OARD1: variants seen among roughly 807,000 people sequenced by gnomAD.
OARD1 encodes the protein ADP-ribose glycohydrolase OARD1.
In OARD1, 19 loss-of-function variants were observed where a neutral mutation model predicts 19.7. The ratio of observed to expected loss-of-function variants is 0.96; its 90% CI spans 0.67 to 1.41. The LOEUF is 1.41. Ranked by LOEUF, OARD1 falls within the 40% of genes most tolerant of loss-of-function variation. OARD1 has a pLI of 0.00. For synonymous variants in OARD1, 70 were observed against 61.8 expected, an observed-to-expected ratio of 1.13 and a Z score of -0.62; for missense variants, 190 against 183.8, an observed-to-expected ratio of 1.03 and a Z score of -0.20.
intron 1 of OARD1, among the ~76,000 whole-genome samples, chr6:41,079,442 C>G (rs1763848410): frequency 6.6e-6 from 1 of 152,280 alleles, no homozygotes; most frequent in East Asian, 1.9e-4. Context: ...TAAAATTTTT[C>G]TGGATTCTAT....
chr6:41,095,910 G>T (rs1384789617), intron 1 of OARD1, among the ~76,000 whole-genome samples: 1 of 152,174 alleles, frequency 6.6e-6, no homozygotes, highest in Admixed American at 6.5e-5. Context: ...GTTGGGTTTA[G>T]TATCCAGTTC....
chr6:41,090,071 C>T, intron 1 of OARD1: 1 of 604,262 alleles, frequency 1.7e-6, no homozygotes, highest in Non-Finnish European at 2.9e-6. Context: ...GATTGCGCCA[C>T]TGCACTGCAC....
chr6:41,097,593 A>C, intron 1 of OARD1: 1 of 603,026 alleles, frequency 1.7e-6, no homozygotes, highest in Non-Finnish European at 2.9e-6. Context: ...TTGAAGTTGC[A>C]AGCCTTTGTC....
At chr6:41,072,858 C>A, upstream of OARD1, 1 of 152,946 alleles carries the variant, frequency 6.5e-6, no homozygotes, top group Non-Finnish European at 1.5e-5. Flanking sequence ...GCGCGTTGCT[C>A]CTCCGAAGGG....
chr6:41,096,295 T>G (rs1561857362), intron 1 of OARD1, among the ~76,000 whole-genome samples: 1 of 152,222 alleles, frequency 6.6e-6, no homozygotes. Context: ...TCACCTGTAG[T>G]GTGAGAGCCC....
At chr6:41,096,438 CTT>C (rs1281173951) in intron 1 of OARD1, among the ~76,000 whole-genome samples, 3 of 152,180 alleles carry the variant, frequency 2.0e-5, no homozygotes, top group East Asian at 3.8e-4. Flanking sequence ...AATTCAGCCT[CTT>C]TTATTTTTAT....
At chr6:41,067,543 C>T (rs1019582206) in intron 5 of OARD1, 106 bp from the exon 6 acceptor site, 1 of 730,276 alleles carries the variant, frequency 1.4e-6, no homozygotes, top group Admixed American at 2.5e-5. Context: ...ATAATCTAGT[C>T]TGACACCCTT....
At chr6:41,088,824 G>C (rs1360049388) in intron 1 of OARD1, among the ~76,000 whole-genome samples, 2 of 151,926 alleles carry the variant, frequency 1.3e-5, no homozygotes, top group Non-Finnish European at 2.9e-5. Flanking sequence ...GACCTAATCT[G>C]CTCGCCTCAG....
At chr6:41,088,315 C>G (rs1158766885) in intron 1 of OARD1, among the ~76,000 whole-genome samples, 2 of 145,498 alleles carry the variant, frequency 1.4e-5, no homozygotes, top group African/African-American at 5.2e-5. Context: ...CCCAGCTACT[C>G]GGGAGGCTGA....
chr6:41,070,386 A>G (rs1382414436), intron 3 of OARD1, among the ~76,000 whole-genome samples: 1 of 152,184 alleles, frequency 6.6e-6, no homozygotes, highest in Admixed American at 6.5e-5. Flanking sequence ...TACCACTACT[A>G]CTTTTAAATA....
intron 1 of OARD1, among the ~76,000 whole-genome samples, chr6:41,079,403 G>A (rs1269279424): frequency 6.6e-6 from 1 of 152,166 alleles, no homozygotes; most frequent in African/African-American, 2.4e-5. Flanking sequence ...AAAACATCTA[G>A]TCTGGTTTTC....
Position 41,070,069 on chromosome 6 carries a change from A to G in OARD1, c.243+7T>C, listed in dbSNP as rs773306624. Reference sequence around the variant, plus strand: ...CCTGAAAAAAAAAGGAATTGGCCCCATCTTACCAAGTAATATATATATCGC... The same window carrying G: ...CCTGAAAAAAAAAGGAATTGGCCCCGTCTTACCAAGTAATATATATATCGC... On this transcript the variant is annotated splice_region_variant and intron_variant, in intron 4 of 5. Transcript: ENST00000424266. 2 of 1,559,740 alleles carry G rather than the reference A, an allele frequency of 1.3e-6. No homozygotes were observed. Among genetic ancestry groups the G allele is most frequent in the South Asian group, 2.2e-5 (2 of 89,820 alleles).
intron 1 of OARD1, among the ~76,000 whole-genome samples, chr6:41,092,628 A>T (rs1346043949): frequency 6.6e-6 from 1 of 152,088 alleles, no homozygotes; most frequent in African/African-American, 2.4e-5. Flanking sequence ...TGACCATTAG[A>T]TGGCAGCAGA....
In OARD1 at chr6:41,071,686, G is replaced by A; in HGVS notation, c.-41-11C>T. 6.7e-7 allele frequency: 1 copy of A among 1,497,404 alleles called. No individual in the cohort carries two copies. The highest frequency in any genetic ancestry group is 9.3e-7 in the Non-Finnish European group (1 of 1,073,624). The allele number at this position is 1,497,404 out of a possible 1,614,324, so 92.8% of individuals were successfully genotyped here. A position where few individuals can be genotyped will look rare whatever the true frequency, so the allele number is the denominator to read the frequency against. On this transcript the variant is annotated splice_polypyrimidine_tract_variant and intron_variant, in intron 1 of 5. Transcript: ENST00000424266. ...TAAGTGTTTCTTCAGCTATGAGAAG[G>A]GAAAAGGAAGTAAAAATGCTTAGGC...
At chr6:41,079,038 T>C in intron 1 of OARD1, 1 of 1,569,080 alleles carries the variant, frequency 6.4e-7, no homozygotes. Context: ...GGAGTGTACC[T>C]CACAGCCTTC....
intron 1 of OARD1, among the ~76,000 whole-genome samples, chr6:41,083,532 G>T (rs1763964798): frequency 6.6e-6 from 1 of 152,086 alleles, no homozygotes; most frequent in African/African-American, 2.4e-5. Flanking sequence ...GGGAAAAAAG[G>T]GTCATCCTCT....
At chr6:41,073,117 G>C (rs1370364609), upstream of OARD1, 2 of 153,398 alleles carry the variant, frequency 1.3e-5, no homozygotes, top group African/African-American at 4.8e-5. Context: ...CAGCGGCCCA[G>C]AGCCGGCCCC....
chr6:41,069,198 A>AC (rs1340388394), intron 4 of OARD1: 1 of 322,308 alleles, frequency 3.1e-6, no homozygotes, highest in Non-Finnish European at 5.6e-6. Flanking sequence ...TTCCTAGGAA[A>AC]CCCATGAGAT....
At chr6:41,071,475 G>C (rs1382953108) in intron 2 of OARD1, 121 bp downstream of exon 2, 10 of 1,077,220 alleles carry the variant, frequency 9.3e-6, no homozygotes, top group Non-Finnish European at 1.3e-5. Flanking sequence ...CCTTTTTAAA[G>C]TAAATCAGCT....
Sources: allele counts gnomAD v4.1 joint callset (sites outside exome capture counted in the v4.1 genomes callset), GRCh38; gene constraint gnomAD v4.1.1; transcripts MANE v1.5; gene names NCBI Gene and HGNC (gene_info 2026-07-23, HGNC 2026-07-21).